Variants in RAVER2 observed in about 807,000 individuals in gnomAD.
RAVER2 encodes the protein ribonucleoprotein PTB-binding 2.
Under a neutral mutation model 78.1 loss-of-function variants are expected in RAVER2, and 46 were observed. The ratio of observed to expected loss-of-function variants is 0.59; its 90% CI spans 0.46 to 0.75. The LOEUF is 0.75. Among genes scored for constraint, RAVER2 ranks in the 30% least tolerant of loss-of-function variants. The pLI is 0.00. For missense variants in RAVER2, 793 were observed against 837.5 expected, an observed-to-expected ratio of 0.95 and a Z score of 0.66; for synonymous variants, 311 against 313.3, an observed-to-expected ratio of 0.99 and a Z score of 0.08.
At chr1:64,749,540 A>G (rs970680779) in intron 1 of RAVER2, among the ~76,000 whole-genome samples, 1 of 152,226 alleles carries the variant, frequency 6.6e-6, no homozygotes, top group Non-Finnish European at 1.5e-5. Context: ...TTCCACATTT[A>G]TCAAACTACC....
chr1:64,745,310 C>T lies in RAVER2; in HGVS notation c.138C>T (p.Pro46=), dbSNP rs1241467310. Residue 46 remains proline, a synonymous_variant, in exon 1 of 12, where the codon CCC becomes CCT. Coordinates refer to ENST00000294428, the Ensembl canonical transcript of RAVER2. The surrounding 1 kb of genome is among the most constrained non-coding windows in gnomAD (Gnocchi z 4.3). ...ACGAGGGCGCCCCGGACCCGATGCC[C>T]GCCGCGCTGCACCCTGAGGAGGTCG... 13 of 1,513,476 alleles carry T rather than the reference C, an allele frequency of 8.6e-6. No individual in the cohort carries two copies. The South Asian group carries it at 1.5e-4, about 17-fold the overall frequency. The allele number at this position is 1,513,476 out of a possible 1,614,324, so 93.8% of individuals were successfully genotyped here.
intron 11 of RAVER2, among the ~76,000 whole-genome samples, chr1:64,826,258 A>T (rs917353969): frequency 6.6e-6 from 1 of 152,200 alleles, no homozygotes; most frequent in Non-Finnish European, 1.5e-5. Context: ...TAGGGGAAAA[A>T]ATTAGTAAAA....
intron 5 of RAVER2, among the ~76,000 whole-genome samples, chr1:64,793,365 A>G (rs913219626): frequency 1.3e-5 from 2 of 152,138 alleles, no homozygotes; most frequent in African/African-American, 4.8e-5. Context: ...TTTCCCTCCC[A>G]GGTCCAATTT....
intron 4 of RAVER2, among the ~76,000 whole-genome samples, chr1:64,788,483 A>AT (rs1285203116): frequency 6.6e-6 from 1 of 151,112 alleles, no homozygotes; most frequent in Non-Finnish European, 1.5e-5. Context: ...AAAAATAAAA[A>AT]TAAAAAAACA....
At position 64,769,886 on chromosome 1, in the gene RAVER2, G is replaced by C. The variant is rs182405763; in HGVS notation, c.316+1164G>C. On this transcript the variant is annotated intron_variant, in intron 2 of 11. Coordinates refer to ENST00000294428, the Ensembl canonical transcript of RAVER2. ...CCATATGTGCCTATATATAATTAAT[G>C]GTAGTCTCTGTTTTAAACTTTTCAT... 2.1e-3 allele frequency among the ~76,000 whole-genome samples: 319 copies of C among 152,000 alleles called. 5 individuals carry two copies. The highest frequency in any genetic ancestry group is 0.02 in the South Asian group (97 of 4,810).
chr1:64,759,489 G>GAA, intron 1 of RAVER2, among the ~76,000 whole-genome samples: 1 of 150,438 alleles, frequency 6.6e-6, no homozygotes, highest in African/African-American at 2.5e-5. Context: ...AAAGTGCTGG[G>GAA]ATTACAGACG....
intron 11 of RAVER2, among the ~76,000 whole-genome samples, chr1:64,829,888 T>A (rs1654082971): frequency 6.6e-6 from 1 of 152,174 alleles, no homozygotes; most frequent in South Asian, 2.1e-4. Flanking sequence ...TCTTTCAGTC[T>A]TGTCATCCCT....
intron 2 of RAVER2, 124 bp downstream of exon 2, chr1:64,768,846 C>A: frequency 1.6e-6 from 1 of 615,814 alleles, no homozygotes; most frequent in Non-Finnish European, 2.9e-6. Flanking sequence ...TTAAATCATT[C>A]GAATGTAACC....
chr1:64,756,641 C>G (rs1002955328), intron 1 of RAVER2, among the ~76,000 whole-genome samples: 1 of 152,176 alleles, frequency 6.6e-6, no homozygotes, highest in Non-Finnish European at 1.5e-5. Flanking sequence ...CAATGTACAT[C>G]AGTCAAAACT....
intron 11 of RAVER2, among the ~76,000 whole-genome samples, chr1:64,820,457 A>G (rs1400422638): frequency 6.6e-6 from 1 of 152,206 alleles, no homozygotes; most frequent in East Asian, 1.9e-4. Flanking sequence ...AATGTTTATT[A>G]CATAAGTAAA....
At chr1:64,768,476 T>C (rs1358879586) in intron 1 of RAVER2, among the ~76,000 whole-genome samples, 180 bp from the exon 2 acceptor site, 1 of 151,984 alleles carries the variant, frequency 6.6e-6, no homozygotes, top group East Asian at 1.9e-4. Context: ...TTGTGTAGGA[T>C]GTCTGGGGAA....
intron 1 of RAVER2, among the ~76,000 whole-genome samples, chr1:64,752,750 A>ATAGC (rs1651736049): frequency 6.6e-6 from 1 of 152,178 alleles, no homozygotes; most frequent in Admixed American, 6.5e-5. Flanking sequence ...TCAATACATG[A>ATAGC]TAGCCCCTTG....
intron 11 of RAVER2, among the ~76,000 whole-genome samples, chr1:64,830,528 G>A (rs911937323): frequency 9.2e-5 from 14 of 152,150 alleles, no homozygotes; most frequent in Non-Finnish European, 1.5e-4. Flanking sequence ...TGAGTCCGTG[G>A]GTTTAACTAG....
intron 5 of RAVER2, among the ~76,000 whole-genome samples, chr1:64,797,390 C>G (rs1034293895): frequency 1.3e-5 from 2 of 152,106 alleles, no homozygotes. Flanking sequence ...TGTTTTTATT[C>G]TGATTGTTGT....
intron 11 of RAVER2, chr1:64,816,498 G>A (rs1041930362): frequency 4.1e-4 from 63 of 152,132 alleles, no homozygotes; most frequent in African/African-American, 1.5e-3. Context: ...TAAACTAATG[G>A]AATACTAAAA....
At chr1:64,796,364 A>C (rs769582682) in intron 5 of RAVER2, among the ~76,000 whole-genome samples, 1 of 151,850 alleles carries the variant, frequency 6.6e-6, no homozygotes, top group Non-Finnish European at 1.5e-5. Flanking sequence ...TTTCTTCTTC[A>C]TATGTTTGAT....
intron 5 of RAVER2, among the ~76,000 whole-genome samples, chr1:64,799,101 C>T (rs992297974): frequency 9.2e-5 from 14 of 152,214 alleles, no homozygotes; most frequent in African/African-American, 3.1e-4. Context: ...CCCTTCTCTT[C>T]CCAGACTCTA....
intron 1 of RAVER2, among the ~76,000 whole-genome samples, chr1:64,763,954 A>ACACACACACC (rs1186925233): frequency 5.4e-5 from 8 of 149,144 alleles, no homozygotes; most frequent in Admixed American, 1.3e-4. Flanking sequence ...ACACACACAC[A>ACACACACACC]CCCCTACCAT....
chr1:64,804,621 A>G (rs1048449093), intron 6 of RAVER2, 113 bp from the exon 7 acceptor site: 17 of 561,298 alleles, frequency 3.0e-5, no homozygotes, highest in Non-Finnish European at 4.8e-5. Context: ...AAATATGTTT[A>G]GAAGCAGTTA....
Sources: allele counts gnomAD v4.1 joint callset (sites outside exome capture counted in the v4.1 genomes callset), GRCh38; gene constraint gnomAD v4.1.1; non-coding constraint Gnocchi (gnomAD v3.1); transcripts MANE v1.5; gene names NCBI Gene and HGNC (gene_info 2026-07-23, HGNC 2026-07-21).